GABRB1: variants seen among roughly 807,000 people sequenced by gnomAD.
GABRB1 encodes the protein gamma-aminobutyric acid receptor subunit beta-1.
GABRB1 carries 17 observed loss-of-function variants against 51.6 expected under a neutral mutation model. That is an observed-to-expected ratio of 0.33 (90% CI 0.23 to 0.49). GABRB1 has a LOEUF of 0.49. Ranked by LOEUF, GABRB1 falls within the 20% of genes least tolerant of loss-of-function variation. The pLI, the probability that GABRB1 is intolerant of heterozygous loss-of-function variation, is 0.99. For synonymous variants in GABRB1, 247 were observed against 218.9 expected, an observed-to-expected ratio of 1.13 and a Z score of -1.14; for missense variants, 410 against 600.6, an observed-to-expected ratio of 0.68 and a Z score of 3.32.
chr4:47,063,856 G>C (rs1049582229), intron 3 of GABRB1, among the ~76,000 whole-genome samples: 1 of 152,022 alleles, frequency 6.6e-6, no homozygotes, highest in African/African-American at 2.4e-5. Flanking sequence ...GGACATGGCG[G>C]GGGAACAACA....
At chr4:47,407,160 A>C (rs1274548583) in intron 8 of GABRB1, among the ~76,000 whole-genome samples, 1 of 152,224 alleles carries the variant, frequency 6.6e-6, no homozygotes, top group Non-Finnish European at 1.5e-5. Context: ...TATTTATTCT[A>C]AACTATTTGT....
At chr4:47,316,462 C>A (rs1403124040) in intron 4 of GABRB1, among the ~76,000 whole-genome samples, 5 of 151,936 alleles carry the variant, frequency 3.3e-5, no homozygotes, top group Admixed American at 2.6e-4. Flanking sequence ...ACCACATTTT[C>A]TTTCTCCATT....
chr4:47,416,648 C>T (rs1037433953), intron 8 of GABRB1, among the ~76,000 whole-genome samples: 7 of 152,092 alleles, frequency 4.6e-5, no homozygotes, highest in African/African-American at 7.2e-5. Flanking sequence ...GATGGGGTTT[C>T]GCCATGTTGG....
At chr4:47,350,183 TTATATATATATATATATA>T (rs367708916) in intron 5 of GABRB1, among the ~76,000 whole-genome samples, 8 of 87,736 alleles carry the variant, frequency 9.1e-5, no homozygotes, top group Non-Finnish European at 1.3e-4. Flanking sequence ...TGGGCTCAGA[TTATATATATATATATATA>T]TATATATATA....
intron 4 of GABRB1, among the ~76,000 whole-genome samples, chr4:47,281,717 A>T (rs1723300648): frequency 1.3e-5 from 2 of 152,214 alleles, no homozygotes; most frequent in Non-Finnish European, 2.9e-5. Flanking sequence ...TTTAGCTTTT[A>T]AAAAATTCTG....
intron 4 of GABRB1, among the ~76,000 whole-genome samples, chr4:47,184,532 G>C (rs1190789830): frequency 6.6e-6 from 1 of 151,858 alleles, no homozygotes; most frequent in Non-Finnish European, 1.5e-5. Flanking sequence ...ACTTCTTTTA[G>C]CACTACACTG....
chr4:47,264,776 C>T (rs1219092711), intron 4 of GABRB1, among the ~76,000 whole-genome samples: 1 of 152,162 alleles, frequency 6.6e-6, no homozygotes, highest in Non-Finnish European at 1.5e-5. Context: ...TTTCCATCAC[C>T]CCCAAAGTTT....
chr4:47,010,757 A>T (rs1724559306), intron 1 of GABRB1, among the ~76,000 whole-genome samples: 1 of 152,202 alleles, frequency 6.6e-6, no homozygotes, highest in Admixed American at 6.5e-5. Context: ...CACTTTTGGA[A>T]CATTGCTTCT....
intron 5 of GABRB1, among the ~76,000 whole-genome samples, chr4:47,321,610 C>A (rs1578092905): frequency 6.6e-6 from 1 of 152,032 alleles, no homozygotes; most frequent in Admixed American, 6.6e-5. Flanking sequence ...CTATGTAAAC[C>A]CAATCATATA....
intron 3 of GABRB1, among the ~76,000 whole-genome samples, chr4:47,060,158 A>G (rs938747471): frequency 3.9e-5 from 6 of 152,202 alleles, no homozygotes; most frequent in African/African-American, 1.4e-4. Context: ...TATTTGCCAG[A>G]AAAAACATCA....
At chr4:47,153,183 C>A (rs947733102) in intron 3 of GABRB1, among the ~76,000 whole-genome samples, 1 of 151,996 alleles carries the variant, frequency 6.6e-6, no homozygotes, top group Non-Finnish European at 1.5e-5. Context: ...ACCAGTCAGC[C>A]TTTATGTCTC....
intron 3 of GABRB1, among the ~76,000 whole-genome samples, chr4:47,139,670 G>A (rs1427925966): frequency 2.0e-5 from 3 of 152,076 alleles, no homozygotes; most frequent in African/African-American, 7.2e-5. Flanking sequence ...ATTGAAATGA[G>A]TATGTAATTT....
At position 47,284,283 on chromosome 4, in the gene GABRB1, T is replaced by C. The variant is rs143186600; in HGVS notation, c.462-35844T>C. 2.4e-4 allele frequency among the ~76,000 whole-genome samples: 36 copies of C among 152,148 alleles called. No individual in the cohort carries two copies. In the East Asian group the frequency reaches 6.6e-3, roughly 28 times the overall value. Reference sequence around the variant, plus strand: ...CAATGCTCTGCCAGCCACACTTCTATTACAAGTAAGACAAGCATGTAAAGA... The same window carrying C: ...CAATGCTCTGCCAGCCACACTTCTACTACAAGTAAGACAAGCATGTAAAGA... On this transcript the variant is annotated intron_variant, in intron 4 of 8. Coordinates refer to ENST00000295454, the MANE Select transcript of GABRB1 (RefSeq NM_000812.4).
intron 4 of GABRB1, among the ~76,000 whole-genome samples, chr4:47,259,506 C>G (rs138249429): frequency 5.9e-4 from 90 of 152,210 alleles, no homozygotes; most frequent in Middle Eastern, 3.4e-3. Context: ...CATTTATTAT[C>G]TCATTCACGT....
intron 4 of GABRB1, among the ~76,000 whole-genome samples, chr4:47,300,054 C>G (rs1297535525): frequency 7.7e-6 from 1 of 129,784 alleles, no homozygotes; most frequent in Admixed American, 9.9e-5. Flanking sequence ...AACACATGGA[C>G]ACAGGAAGGG....
intron 3 of GABRB1, among the ~76,000 whole-genome samples, chr4:47,037,898 T>A (rs1048217723): frequency 6.6e-6 from 1 of 152,000 alleles, no homozygotes. Context: ...AATGGCAGAG[T>A]CAAAATTTGA....
At chr4:47,162,816 G>C (rs1483389806) in intron 4 of GABRB1, among the ~76,000 whole-genome samples, 1 of 152,040 alleles carries the variant, frequency 6.6e-6, no homozygotes, top group Non-Finnish European at 1.5e-5. Flanking sequence ...AGCCAACCCA[G>C]TTCTTTGTAG....
intron 4 of GABRB1, among the ~76,000 whole-genome samples, chr4:47,180,351 A>G (rs1017654003): frequency 1.3e-5 from 2 of 152,084 alleles, no homozygotes; most frequent in Non-Finnish European, 2.9e-5. Flanking sequence ...GACAGAGGCA[A>G]CACATTAAAA....
chr4:47,119,970 C>T (rs781541279), intron 3 of GABRB1, among the ~76,000 whole-genome samples: 12 of 151,302 alleles, frequency 7.9e-5, no homozygotes, highest in Non-Finnish European at 1.0e-4. Flanking sequence ...TAAGGACATG[C>T]GAAATCAAAA....
Sources: gnomAD v4.1 joint callset for allele counts (sites outside exome capture counted in the v4.1 genomes callset) on GRCh38, gnomAD v4.1.1 for gene constraint, MANE v1.5 for transcripts, NCBI Gene and HGNC (gene_info 2026-07-23, HGNC 2026-07-21) for gene names.